The following MCPH1 variants were observed in gnomAD, a reference collection of about 807,000 sequenced individuals.
MCPH1 encodes microcephalin.
MCPH1 carries 104 observed loss-of-function variants against 84.5 expected under a neutral mutation model. That is an observed-to-expected ratio of 1.23 (90% CI 1.05 to 1.45). MCPH1 has a LOEUF of 1.45. Ranked by LOEUF, MCPH1 falls within the 40% of genes most tolerant of loss-of-function variation. The pLI, the probability that MCPH1 is intolerant of heterozygous loss-of-function variation, is 0.00. For missense variants in MCPH1, 1,498 were observed against 1,005.7 expected (o/e 1.49, Z -6.62); for synonymous variants, 514 against 366.8 (o/e 1.40, Z -4.58).
chr8:6,428,329 T>G (rs780443646), intron 3 of MCPH1, among the ~76,000 whole-genome samples: 12 of 152,178 alleles, frequency 7.9e-5, no homozygotes, highest in Non-Finnish European at 7.3e-5. Flanking sequence ...CATCAGTATG[T>G]CGCTAGGCGA....
chr8:6,638,880 C>T (rs971767971), intron 13 of MCPH1, among the ~76,000 whole-genome samples: 2 of 152,192 alleles, frequency 1.3e-5, no homozygotes, highest in East Asian at 3.9e-4. Flanking sequence ...GAGCTGTCGG[C>T]CCTTGTTCAG....
At chr8:6,505,379 TTCTTTC>T in intron 12 of MCPH1, among the ~76,000 whole-genome samples, 2 of 59,866 alleles carry the variant, frequency 3.3e-5, no homozygotes, top group African/African-American at 1.1e-4. Flanking sequence ...AATATATATA[TTCTTTC>T]TATATGTATA....
chr8:6,611,922 G>A (rs771489114), intron 12 of MCPH1, among the ~76,000 whole-genome samples: 6 of 152,124 alleles, frequency 3.9e-5, no homozygotes, highest in African/African-American at 7.2e-5. Context: ...CCGGCCTGAC[G>A]TCGGGATTTT....
intron 13 of MCPH1, among the ~76,000 whole-genome samples, chr8:6,633,758 T>G (rs1305889322): frequency 6.6e-6 from 1 of 152,124 alleles, no homozygotes; most frequent in Non-Finnish European, 1.5e-5. Context: ...CCACGATACC[T>G]CACGTGGGGC....
chr8:6,523,710 C>A (rs968124778), intron 12 of MCPH1, among the ~76,000 whole-genome samples: 4 of 152,124 alleles, frequency 2.6e-5, no homozygotes, highest in Non-Finnish European at 5.9e-5. Flanking sequence ...CTGCCTCAGC[C>A]TCCTGAGTAG....
At chr8:6,461,622 G>A (rs1253913136) in intron 9 of MCPH1, among the ~76,000 whole-genome samples, 1 of 152,084 alleles carries the variant, frequency 6.6e-6, no homozygotes, top group South Asian at 2.1e-4. Flanking sequence ...TTACAGGCGT[G>A]AGCCACCACA....
chr8:6,648,267 A>G lies in MCPH1; in HGVS notation c.*5218A>G, dbSNP rs1798309386. ...AAGCTGTCAGACCTCCACAGTGGCC[A>G]GAAGGTTTTCCATACCTGAGCCTGC... On this transcript the variant is annotated 3_prime_UTR_variant, in exon 14 of 14. Coordinates refer to ENST00000344683, the MANE Select transcript of MCPH1 (RefSeq NM_024596.5). 1 of 152,270 alleles carries G rather than the reference A, an allele frequency of 6.6e-6. No individual in the cohort carries two copies. The highest frequency in any genetic ancestry group is 6.5e-5 in the Admixed American group (1 of 15,280). The allele number at this position is 152,270 out of a possible 1,614,324, so 9.4% of individuals were successfully genotyped here. A position where few individuals can be genotyped will look rare whatever the true frequency, so the allele number is the denominator to read the frequency against.
chr8:6,615,058 C>G (rs569534682), intron 12 of MCPH1, among the ~76,000 whole-genome samples: 1 of 152,362 alleles, frequency 6.6e-6, no homozygotes, highest in South Asian at 2.1e-4. Flanking sequence ...CACGAACGGT[C>G]TGGTCCACAC....
At chr8:6,564,192 G>A (rs939022034) in intron 12 of MCPH1, among the ~76,000 whole-genome samples, 1 of 152,044 alleles carries the variant, frequency 6.6e-6, no homozygotes, top group Non-Finnish European at 1.5e-5. Context: ...ATGTTAGGCT[G>A]GTCTCAAACT....
rs1320646057 is a variant in MCPH1, at chr8:6,626,754, T to G, written c.2452+5063T>G. Reference sequence around the variant, plus strand: ...GGGGTGAGGATCACAAGCCCTTGGGTGGAGCTCTGAGCCCTGGCGCGGTCC... The same window carrying G: ...GGGGTGAGGATCACAAGCCCTTGGGGGGAGCTCTGAGCCCTGGCGCGGTCC... On this transcript the variant is annotated intron_variant, in intron 13 of 13. Transcript: ENST00000344683. 3.0e-6 allele frequency: 3 copies of G among 985,112 alleles called. No homozygotes were observed. In the African/African-American group the frequency reaches 5.2e-5, roughly 17 times the overall value. The allele number at this position is 985,112 out of a possible 1,614,324, so 61.0% of individuals were successfully genotyped here.
intron 13 of MCPH1, among the ~76,000 whole-genome samples, chr8:6,628,417 C>T (rs1586868006): frequency 1.4e-5 from 2 of 144,556 alleles, no homozygotes; most frequent in South Asian, 4.4e-4. Context: ...TTGCAGTGAG[C>T]CGAGATCACG....
At chr8:6,526,780 T>C (rs918634732) in intron 12 of MCPH1, among the ~76,000 whole-genome samples, 17 of 152,184 alleles carry the variant, frequency 1.1e-4, no homozygotes, top group Admixed American at 9.2e-4. Flanking sequence ...ATGTCTTCAT[T>C]AAAAACAAGG....
Position 6,579,104 on chromosome 8 carries a change from G to T in MCPH1, c.2215-42350G>T, listed in dbSNP as rs1827344398. On this transcript the variant is annotated intron_variant, in intron 12 of 13. Coordinates refer to ENST00000344683, the MANE Select transcript of MCPH1 (RefSeq NM_024596.5). ...GCACCAGACTGAGCTGTGTCCAGAG[G>T]AAGGGAGAACGTCTTTCATTCACTT... Among the ~76,000 whole-genome samples the T allele has an allele frequency of 1.3e-5, 2 of 152,194 alleles. 1 individual carries two copies. Among genetic ancestry groups the T allele is most frequent in the Admixed American group, 1.3e-4 (2 of 15,288 alleles).
At chr8:6,429,872 C>G (rs1563195598) in intron 3 of MCPH1, among the ~76,000 whole-genome samples, 1 of 152,160 alleles carries the variant, frequency 6.6e-6, no homozygotes, top group Non-Finnish European at 1.5e-5. Flanking sequence ...CACACCTGTC[C>G]CCATGCCCCA....
intron 12 of MCPH1, among the ~76,000 whole-genome samples, chr8:6,583,507 T>C (rs1311153592): frequency 1.2e-4 from 19 of 152,162 alleles, no homozygotes. Flanking sequence ...CAAGTGTGTG[T>C]GCATAGGACA....
intron 9 of MCPH1, among the ~76,000 whole-genome samples, chr8:6,456,057 G>A (rs1394905605): frequency 1.3e-5 from 2 of 152,152 alleles, no homozygotes; most frequent in Non-Finnish European, 1.5e-5. Context: ...TCTTATCTTG[G>A]CAATGGTTAA....
At chr8:6,556,025 C>A (rs554403432) in intron 12 of MCPH1, among the ~76,000 whole-genome samples, 1 of 152,282 alleles carries the variant, frequency 6.6e-6, no homozygotes, top group African/African-American at 2.4e-5. Context: ...CTTGGTATCT[C>A]AGGCCTGATG....
At chr8:6,597,920 C>G (rs1395220036) in intron 12 of MCPH1, among the ~76,000 whole-genome samples, 2 of 152,230 alleles carry the variant, frequency 1.3e-5, no homozygotes, top group African/African-American at 4.8e-5. Flanking sequence ...GGGCAGAACC[C>G]TGCTTGTTGG....
chr8:6,420,670 T>C (rs1800044713), intron 3 of MCPH1, among the ~76,000 whole-genome samples: 1 of 152,220 alleles, frequency 6.6e-6, no homozygotes, highest in Admixed American at 6.5e-5. Flanking sequence ...ATCTCTGCTG[T>C]TACAGTCGAG....
Sources: allele counts gnomAD v4.1 joint callset (sites outside exome capture counted in the v4.1 genomes callset), GRCh38; gene constraint gnomAD v4.1.1; transcripts MANE v1.5; gene names NCBI Gene and HGNC (gene_info 2026-07-23, HGNC 2026-07-21).